Variants in ABCC4 observed in about 807,000 individuals in gnomAD.
The protein encoded by ABCC4 is ATP binding cassette subfamily C member 4 (PEL blood group).
Under a neutral mutation model 168.5 loss-of-function variants are expected in ABCC4, and 102 were observed. That is an observed-to-expected ratio of 0.61 (90% CI 0.52 to 0.71). The LOEUF (loss-of-function observed/expected upper bound fraction) is 0.71. Among genes scored for constraint, ABCC4 ranks in the 30% least tolerant of loss-of-function variants. ABCC4 has a pLI of 0.00. For missense variants in ABCC4, 1,402 were observed against 1,605.8 expected, an observed-to-expected ratio of 0.87 and a Z score of 2.17; for synonymous variants, 617 against 590.7, an observed-to-expected ratio of 1.04 and a Z score of -0.65.
At chr13:95,112,907 C>G (rs1162502409) in intron 20 of ABCC4, among the ~76,000 whole-genome samples, 1 of 152,150 alleles carries the variant, frequency 6.6e-6, no homozygotes, top group Non-Finnish European at 1.5e-5. Flanking sequence ...GTGTCCGAAG[C>G]ATGTTTTGCT....
chr13:95,061,827 A>T (rs1477121227), intron 26 of ABCC4, among the ~76,000 whole-genome samples: 1 of 152,150 alleles, frequency 6.6e-6, no homozygotes, highest in Non-Finnish European at 1.5e-5. Context: ...GCCGGTGGGG[A>T]CAAGGTCTAT....
At position 95,247,918 on chromosome 13, in the gene ABCC4, G is replaced by GCACACACA. The variant is rs34133084; in HGVS notation, c.75-173_75-166dup. Among the ~76,000 whole-genome samples, 798 of 142,580 alleles carry GCACACACA rather than the reference G, an allele frequency of 5.6e-3. 12 individuals are homozygous for GCACACACA. The highest frequency in any genetic ancestry group is 0.012 in the African/African-American group (436 of 36,262). 93.5% of individuals were successfully genotyped at this position (142,580 alleles called of 152,430 possible). ...GCTAGAGAGAGAAAAGTTAACATGTGCACACACACACACACACACACAGTC... is the reference window on the plus strand; with the variant it reads ...GCTAGAGAGAGAAAAGTTAACATGTGCACACACACACACACACACACACACACACAGTC... On this transcript the variant is annotated intron_variant, in intron 1 of 30. Coordinates refer to ENST00000645237, the MANE Select transcript of ABCC4 (RefSeq NM_005845.5).
intron 26 of ABCC4, 85 bp from the exon 27 acceptor site, chr13:95,053,269 T>C (rs565941361): frequency 2.9e-6 from 3 of 1,017,208 alleles, no homozygotes; most frequent in African/African-American, 3.2e-5. Flanking sequence ...AGAATTAAGA[T>C]ACCAAAAAAT....
rs370688144 is a variant in ABCC4, at chr13:95,074,262, C to T, written c.2869G>A (p.Ala957Thr). Residue 957 changes from alanine to threonine, a missense_variant, in exon 23 of 31, where the codon GCC (alanine) becomes ACC (threonine). Ala to Thr is a moderately conservative substitution (Grantham distance 58). Coordinates refer to ENST00000645237, the MANE Select transcript of ABCC4 (RefSeq NM_005845.5). ...AAGGCAACGATGATGACAAACATGG[C>T]ACAGATGGCATCCAGACGGACGGCA... ...WFAVRLDAIC[A>T]MFVIIVAFGS... The T allele has an allele frequency of 5.6e-6, 9 of 1,613,876 alleles. No individual in the cohort carries two copies. Among genetic ancestry groups the T allele is most frequent in the Non-Finnish European group, 7.6e-6 (9 of 1,179,974 alleles).
intron 1 of ABCC4, among the ~76,000 whole-genome samples, chr13:95,284,015 C>G (rs961540378): frequency 6.6e-6 from 1 of 151,782 alleles, no homozygotes; most frequent in Non-Finnish European, 1.5e-5. Flanking sequence ...GCCTGACCAA[C>G]ATAGAGAAAC....
At chr13:95,171,998 G>C (rs774913208) in intron 13 of ABCC4, among the ~76,000 whole-genome samples, 1 of 152,104 alleles carries the variant, frequency 6.6e-6, no homozygotes, top group Non-Finnish European at 1.5e-5. Flanking sequence ...TATCTAAAGG[G>C]AGATGTTAAT....
chr13:95,283,183 T>C (rs548123901), intron 1 of ABCC4, among the ~76,000 whole-genome samples: 1 of 147,522 alleles, frequency 6.8e-6, no homozygotes, highest in Non-Finnish European at 1.5e-5. Context: ...GCCACTGCAC[T>C]CCTGCCTGGG....
intron 3 of ABCC4, among the ~76,000 whole-genome samples, chr13:95,235,539 A>G (rs1374331890): frequency 6.6e-6 from 1 of 152,200 alleles, no homozygotes; most frequent in Non-Finnish European, 1.5e-5. Flanking sequence ...CCCAGCCCAC[A>G]GGCTCGTCTA....
chr13:95,089,418 G>C (rs2034357869), intron 20 of ABCC4, among the ~76,000 whole-genome samples: 1 of 152,118 alleles, frequency 6.6e-6, no homozygotes. Flanking sequence ...AGGAGTTTGA[G>C]ACCAGCCTGG....
chr13:95,173,355 TG>T (rs1277290115), intron 13 of ABCC4, among the ~76,000 whole-genome samples: 2 of 152,124 alleles, frequency 1.3e-5, no homozygotes, highest in Non-Finnish European at 2.9e-5. Context: ...AACACATAGG[TG>T]GATCAAGAGC....
chr13:95,083,021 C>T, intron 21 of ABCC4, 119 bp downstream of exon 21: 1 of 1,154,440 alleles, frequency 8.7e-7, no homozygotes, highest in Admixed American at 2.2e-5. Context: ...CGTTCAATTA[C>T]CTAATGTTAG....
At chr13:95,163,672 C>T (rs759219962) in intron 16 of ABCC4, 25 bp from the exon 17 acceptor site, 1 of 1,603,176 alleles carries the variant, frequency 6.2e-7, no homozygotes, top group Non-Finnish European at 8.5e-7. Flanking sequence ...ACAACAAAGA[C>T]AAAAATCAAA....
At chr13:95,156,290 A>G (rs973070104) in intron 19 of ABCC4, among the ~76,000 whole-genome samples, 2 of 152,232 alleles carry the variant, frequency 1.3e-5, no homozygotes, top group African/African-American at 4.8e-5. Context: ...ATCAAGATAC[A>G]AAGACCCAAG....
chr13:95,144,360 A>G lies in ABCC4; in HGVS notation c.2455+16829T>C, dbSNP rs138224055. Among the ~76,000 whole-genome samples the G allele has an allele frequency of 2.1e-3, 317 of 152,044 alleles. 3 individuals are homozygous for G. The highest frequency in any genetic ancestry group is 7.4e-3 in the African/African-American group (305 of 41,340). Reference sequence around the variant, plus strand: ...GATAACCAGTAAGACAAGGAGGCCTACTCTCACTACACCTATTCAATACTG... The same window carrying G: ...GATAACCAGTAAGACAAGGAGGCCTGCTCTCACTACACCTATTCAATACTG... On this transcript the variant is annotated intron_variant, in intron 19 of 30. Coordinates refer to ENST00000645237, the MANE Select transcript of ABCC4 (RefSeq NM_005845.5).
intron 19 of ABCC4, among the ~76,000 whole-genome samples, chr13:95,129,599 AAAATGGATAG>A (rs1415345415): frequency 2.0e-5 from 3 of 152,224 alleles, no homozygotes; most frequent in Non-Finnish European, 4.4e-5. Context: ...TAATATAACT[AAAATGGATAG>A]TATTTCTCTT....
At chr13:95,278,083 C>T (rs540163194) in intron 1 of ABCC4, among the ~76,000 whole-genome samples, 1 of 151,796 alleles carries the variant, frequency 6.6e-6, no homozygotes, top group East Asian at 1.9e-4. Context: ...GAGAGAACGC[C>T]GCATGCCATT....
intron 4 of ABCC4, among the ~76,000 whole-genome samples, chr13:95,232,278 G>A (rs1045588496): frequency 6.6e-6 from 1 of 152,076 alleles, no homozygotes; most frequent in African/African-American, 2.4e-5. Context: ...GAGGCCTCCA[G>A]GATTCACAGA....
intron 26 of ABCC4, among the ~76,000 whole-genome samples, chr13:95,058,567 C>CAAAAAAA (rs1165324016): frequency 2.4e-4 from 15 of 62,782 alleles, no homozygotes; most frequent in East Asian, 7.3e-4. Context: ...GACTCCATCT[C>CAAAAAAA]AAAAAAAAAA....
At chr13:95,081,977 G>T (rs1566401196) in intron 21 of ABCC4, among the ~76,000 whole-genome samples, 1 of 152,144 alleles carries the variant, frequency 6.6e-6, no homozygotes, top group Admixed American at 6.6e-5. Flanking sequence ...TCCAGCCTGG[G>T]TGACAGCAAG....
Sources: gnomAD v4.1 joint callset for allele counts (sites outside exome capture counted in the v4.1 genomes callset) on GRCh38, gnomAD v4.1.1 for gene constraint, MANE v1.5 for transcripts, NCBI Gene and HGNC (gene_info 2026-07-23, HGNC 2026-07-21) for gene names.